Variants in ERG28 observed in about 807,000 individuals in gnomAD.
The protein encoded by ERG28 is ergosterol biosynthetic protein 28 homolog.
Under a neutral mutation model 15.7 loss-of-function variants are expected in ERG28, and 9 were observed. The ratio of observed to expected loss-of-function variants is 0.57; its 90% CI spans 0.35 to 1.00. The LOEUF is 1.00. Ranked by LOEUF, ERG28 falls within the 50% of genes least tolerant of loss-of-function variation. The pLI is 0.02. For synonymous variants in ERG28, 61 were observed against 68.4 expected (o/e 0.89, Z 0.53); for missense variants, 117 against 173.3 (o/e 0.68, Z 1.82).
At chr14:75,655,079 C>A (rs1422588630) in intron 2 of ERG28, 103 bp from the exon 3 acceptor site, 1 of 1,130,692 alleles carries the variant, frequency 8.8e-7, no homozygotes, top group Non-Finnish European at 1.3e-6. Flanking sequence ...GGGAGCTGGA[C>A]CTGACCTCTC....
At chr14:75,654,419 TTC>T (rs1890571713) in intron 3 of ERG28, among the ~76,000 whole-genome samples, 1 of 152,210 alleles carries the variant, frequency 6.6e-6, no homozygotes, top group South Asian at 2.1e-4. Flanking sequence ...GAGCCCTAGC[TTC>T]TCTTTCACCC....
intron 2 of ERG28, among the ~76,000 whole-genome samples, chr14:75,656,744 G>C (rs1890603112): frequency 6.6e-6 from 1 of 152,202 alleles, no homozygotes; most frequent in African/African-American, 2.4e-5. Flanking sequence ...AGAGGCTCAG[G>C]AAGCCAGGAA....
chr14:75,653,950 T>TAA (rs11482151), intron 3 of ERG28, among the ~76,000 whole-genome samples: 60 of 149,612 alleles, frequency 4.0e-4, no homozygotes, highest in Middle Eastern at 3.4e-3. Flanking sequence ...GAAAAAAAAT[T>TAA]AAAAAAAAAA....
chr14:75,655,737 A>G (rs1184256940), intron 2 of ERG28, among the ~76,000 whole-genome samples: 1 of 152,210 alleles, frequency 6.6e-6, no homozygotes, highest in African/African-American at 2.4e-5. Context: ...ACTATATCGT[A>G]TTCTCTGGAG....
intron 1 of ERG28, among the ~76,000 whole-genome samples, chr14:75,660,134 A>T (rs1454128435): frequency 6.6e-6 from 1 of 152,220 alleles, no homozygotes; most frequent in Non-Finnish European, 1.5e-5. Context: ...TTTTCTGCAC[A>T]AGTATGCCTT....
Position 75,651,992 on chromosome 14 carries a change from T to C in ERG28, c.225-103A>G, listed in dbSNP as rs1015939160. On this transcript the variant is annotated intron_variant, in intron 3 of 4. Coordinates refer to ENST00000256319, the MANE Select transcript of ERG28 (RefSeq NM_007176.4). ...GACAAATAAGAACCCAGGATGTCAT[T>C]AAGACTTAAAAGAAAGGACACTTGT... 5.9e-6 allele frequency: 6 copies of C among 1,025,622 alleles called. No individual in the cohort carries two copies. The African/African-American group carries it at 9.6e-5, about 16-fold the overall frequency. 63.5% of individuals were successfully genotyped at this position (1,025,622 alleles called of 1,614,324 possible).
At position 75,651,569 on chromosome 14, in the gene ERG28, T is replaced by C; in HGVS notation, c.409A>G (p.Lys137Glu). 1 of 1,611,430 alleles carries C rather than the reference T, an allele frequency of 6.2e-7. No homozygotes were observed. Among genetic ancestry groups the C allele is most frequent in the Non-Finnish European group, 8.5e-7 (1 of 1,177,696 alleles). The change falls in exon 5 of 5, where the codon AAG (lysine) becomes GAG (glutamate). Residue 137 changes from lysine to glutamate, a missense_variant. Lys to Glu is a moderately conservative substitution (Grantham distance 56, BLOSUM62 1). Coordinates refer to ENST00000256319, the MANE Select transcript of ERG28 (RefSeq NM_007176.4). Reference sequence around the variant, plus strand: ...TAATGCTGGCCTCAGTTTCTCTTCTTCTGTCTGGATACTGGTTCTACTTCT... The same window carrying C: ...TAATGCTGGCCTCAGTTTCTCTTCTCCTGTCTGGATACTGGTTCTACTTCT... ...YLEVEPVSRQ[K>E]KRN is the part of the protein sequence containing the mutation.
intron 1 of ERG28, among the ~76,000 whole-genome samples, chr14:75,660,166 T>C (rs1170531175): frequency 6.6e-6 from 1 of 152,250 alleles, no homozygotes; most frequent in East Asian, 1.9e-4. Context: ...AAGTGTTATC[T>C]GTTAGAAATC....
At chr14:75,658,972 G>A (rs1890633807) in intron 1 of ERG28, among the ~76,000 whole-genome samples, 1 of 152,070 alleles carries the variant, frequency 6.6e-6, no homozygotes, top group Non-Finnish European at 1.5e-5. Context: ...TATAGCGAAG[G>A]AAACAGCAAT....
At chr14:75,658,061 G>A (rs1237921613) in intron 1 of ERG28, among the ~76,000 whole-genome samples, 2 of 152,222 alleles carry the variant, frequency 1.3e-5, no homozygotes, top group Non-Finnish European at 2.9e-5. Context: ...AGCCCATCAC[G>A]GACTGAACAG....
chr14:75,656,319 CACACAT>C (rs1233143912), intron 2 of ERG28, among the ~76,000 whole-genome samples: 93 of 139,476 alleles, frequency 6.7e-4, no homozygotes, highest in African/African-American at 1.5e-3. Flanking sequence ...CACACACACA[CACACAT>C]AAAGTTCTGC....
chr14:75,658,436 G>A (rs927515037), intron 1 of ERG28, among the ~76,000 whole-genome samples: 1 of 152,094 alleles, frequency 6.6e-6, no homozygotes, highest in African/African-American at 2.4e-5. Context: ...AGCTCACAGA[G>A]GCTGACTACC....
intron 3 of ERG28, among the ~76,000 whole-genome samples, chr14:75,652,877 G>A (rs1318937579): frequency 7.3e-6 from 1 of 137,446 alleles, no homozygotes; most frequent in Non-Finnish European, 1.5e-5. Flanking sequence ...AGGCTGGAGT[G>A]CAGTGGCACA....
intron 2 of ERG28, among the ~76,000 whole-genome samples, 158 bp downstream of exon 2, chr14:75,657,212 C>T (rs190700733): frequency 1.3e-5 from 2 of 152,188 alleles, no homozygotes; most frequent in African/African-American, 4.8e-5. Context: ...TTCCTGAGCT[C>T]CACCCAGGTT....
At chr14:75,657,019 CTTTTTTT>C (rs3214359) in intron 2 of ERG28, among the ~76,000 whole-genome samples, 2 of 133,074 alleles carry the variant, frequency 1.5e-5, no homozygotes, top group African/African-American at 2.7e-5. Context: ...CCTTATAATG[CTTTTTTT>C]TTTTTTTTTT....
chr14:75,652,817 CT>C (rs59570063), intron 3 of ERG28, among the ~76,000 whole-genome samples: 8,642 of 96,356 alleles, frequency 0.09, 142 homozygotes, highest in African/African-American at 0.25. Flanking sequence ...ATTTTTACAC[CT>C]TTTTTTTTTT....
At chr14:75,653,309 A>G (rs147697795) in intron 3 of ERG28, among the ~76,000 whole-genome samples, 1 of 152,090 alleles carries the variant, frequency 6.6e-6, no homozygotes, top group East Asian at 1.9e-4. Context: ...TGAGGTAAAG[A>G]TAAGTCTGGG....
chr14:75,656,649 C>T (rs1890601942), intron 2 of ERG28, among the ~76,000 whole-genome samples: 1 of 152,192 alleles, frequency 6.6e-6, no homozygotes, highest in Non-Finnish European at 1.5e-5. Context: ...ACAGAATTGT[C>T]ATCTGCTGTG....
chr14:75,652,127 C>T (rs887598573), intron 3 of ERG28, among the ~76,000 whole-genome samples: 6 of 152,240 alleles, frequency 3.9e-5, no homozygotes, highest in African/African-American at 1.2e-4. Context: ...CCAGAATGAA[C>T]GTCCAGGTCT....
Sources: gnomAD v4.1 joint callset for allele counts (sites outside exome capture counted in the v4.1 genomes callset) on GRCh38, gnomAD v4.1.1 for gene constraint, MANE v1.5 for transcripts, NCBI Gene and HGNC (gene_info 2026-07-23, HGNC 2026-07-21) for gene names.